The following EYS variants were observed in gnomAD, a reference collection of about 807,000 sequenced individuals.
The protein encoded by EYS is protein eyes shut homolog.
In EYS, 250 loss-of-function variants were observed where a neutral mutation model predicts 282.1. That is an observed-to-expected ratio of 0.89 (90% confidence interval 0.80 to 0.98). EYS has a LOEUF of 0.98. EYS is among the 50% of genes least tolerant of loss of function. The pLI, the probability that EYS is intolerant of heterozygous loss-of-function variation, is 0.00. For synonymous variants in EYS, 1,355 were observed against 1,282.9 expected, an observed-to-expected ratio of 1.06 and a Z score of -1.20; for missense variants, 4,016 against 3,709.0, an observed-to-expected ratio of 1.08 and a Z score of -2.15.
intron 14 of EYS, among the ~76,000 whole-genome samples, chr6:64,976,075 C>A (rs1454198495): frequency 1.3e-5 from 2 of 151,738 alleles, no homozygotes; most frequent in Non-Finnish European, 2.9e-5. Flanking sequence ...GATACATAAG[C>A]ATTTTTAAAT....
intron 22 of EYS, among the ~76,000 whole-genome samples, chr6:64,759,939 C>T (rs74392180): frequency 0.02 from 2,968 of 152,128 alleles, 98 homozygotes; most frequent in African/African-American, 0.067. Flanking sequence ...ATATTTAAAC[C>T]TTTGTACAAT....
chr6:65,150,773 A>C (rs1397273033), intron 12 of EYS, among the ~76,000 whole-genome samples: 5 of 151,902 alleles, frequency 3.3e-5, no homozygotes. Flanking sequence ...TTCTTTACAT[A>C]AATTTTAAAA....
At chr6:65,171,246 C>T (rs1765098660) in intron 12 of EYS, among the ~76,000 whole-genome samples, 1 of 151,506 alleles carries the variant, frequency 6.6e-6, no homozygotes, top group Admixed American at 6.6e-5. Context: ...TCTTACATGC[C>T]TTCTAATTAC....
In EYS at chr6:63,721,000, T is replaced by A; in HGVS notation, c.9031A>T (p.Ile3011Phe). 7.7e-6 allele frequency: 12 copies of A among 1,551,332 alleles called. No homozygotes were observed. The highest frequency in any genetic ancestry group is 1.0e-5 in the Non-Finnish European group (12 of 1,146,738). ...AQNEENDFLA[I>F]GLHNQTLKIA... Reference sequence around the variant, plus strand: ...TTCAAGGTCTGATTATGGAGACCAATTGCCAGAAAATCATTTTCTTCATTT... The same window carrying A: ...TTCAAGGTCTGATTATGGAGACCAAATGCCAGAAAATCATTTTCTTCATTT... The change falls in exon 43 of 43, where the codon ATT becomes TTT. Residue 3011 changes from isoleucine (I) to phenylalanine (F), a missense_variant. Coordinates refer to ENST00000503581, the MANE Select transcript of EYS (RefSeq NM_001142800.2).
intron 7 of EYS, among the ~76,000 whole-genome samples, chr6:65,384,852 G>A (rs1377105273): frequency 6.6e-6 from 1 of 151,860 alleles, no homozygotes; most frequent in Non-Finnish European, 1.5e-5. Context: ...AGTAGAGCCA[G>A]TATATACTGA....
chr6:65,593,972 C>T (rs1431938766), intron 2 of EYS, among the ~76,000 whole-genome samples: 3 of 151,894 alleles, frequency 2.0e-5, no homozygotes, highest in Non-Finnish European at 4.4e-5. Context: ...GGTCAAATAA[C>T]TTGACTAAAA....
chr6:65,475,273 G>A (rs562447395), intron 5 of EYS, among the ~76,000 whole-genome samples: 117 of 152,074 alleles, frequency 7.7e-4, no homozygotes, highest in African/African-American at 2.6e-3. Flanking sequence ...AGTAGTTCTT[G>A]GTTTTGGGTC....
intron 28 of EYS, among the ~76,000 whole-genome samples, chr6:64,433,121 A>C (rs1036499501): frequency 2.6e-5 from 4 of 151,824 alleles, no homozygotes; most frequent in Non-Finnish European, 2.9e-5. Context: ...TTCACAGAGC[A>C]TATTTGTTTC....
intron 9 of EYS, among the ~76,000 whole-genome samples, chr6:65,345,323 G>A (rs1469109973): frequency 2.6e-5 from 4 of 151,670 alleles, no homozygotes; most frequent in Non-Finnish European, 4.4e-5. Flanking sequence ...TTTAATGATA[G>A]GTCAATAAAA....
At chr6:64,060,153 C>T (rs1461360742) in intron 33 of EYS, among the ~76,000 whole-genome samples, 1 of 152,092 alleles carries the variant, frequency 6.6e-6, no homozygotes, top group Non-Finnish European at 1.5e-5. Flanking sequence ...TCTAAGACTA[C>T]CAGCATGCAA....
intron 36 of EYS, among the ~76,000 whole-genome samples, chr6:63,852,721 C>CA (rs1182148925): frequency 6.6e-6 from 1 of 152,058 alleles, no homozygotes; most frequent in Non-Finnish European, 1.5e-5. Context: ...AACATCAATC[C>CA]AAAAATCCTT....
At chr6:64,004,694 A>C (rs1768260986) in intron 33 of EYS, among the ~76,000 whole-genome samples, 1 of 152,004 alleles carries the variant, frequency 6.6e-6, no homozygotes, top group African/African-American at 2.4e-5. Context: ...TTTACCTCCC[A>C]CTTGTAAACG....
intron 12 of EYS, among the ~76,000 whole-genome samples, chr6:65,188,889 T>G (rs1488486798): frequency 6.6e-6 from 1 of 151,614 alleles, no homozygotes; most frequent in African/African-American, 2.4e-5. Flanking sequence ...AATGCAGCCT[T>G]GCCAGTATCA....
intron 33 of EYS, among the ~76,000 whole-genome samples, chr6:64,018,140 G>GTATATGTA (rs1245028847): frequency 6.6e-6 from 1 of 151,912 alleles, no homozygotes; most frequent in Non-Finnish European, 1.5e-5. Flanking sequence ...ATATATATAC[G>GTATATGTA]TATATGTATA....
chr6:65,164,145 T>A (rs1264284969), intron 12 of EYS, among the ~76,000 whole-genome samples: 3 of 151,422 alleles, frequency 2.0e-5, no homozygotes, highest in Non-Finnish European at 4.4e-5. Flanking sequence ...GGGGAAAAAG[T>A]ATACATTTAT....
At chr6:65,485,302 GA>G (rs1765748328) in intron 5 of EYS, among the ~76,000 whole-genome samples, 1 of 152,184 alleles carries the variant, frequency 6.6e-6, no homozygotes, top group Non-Finnish European at 1.5e-5. Context: ...TATTTTAGAA[GA>G]CTGTCTTCTG....
intron 31 of EYS, among the ~76,000 whole-genome samples, chr6:64,148,898 T>C (rs996898058): frequency 3.9e-5 from 6 of 152,154 alleles, no homozygotes; most frequent in African/African-American, 1.4e-4. Flanking sequence ...CAACTTTATT[T>C]CATTTGATGA....
At chr6:64,698,546 C>T (rs1770666691) in intron 22 of EYS, among the ~76,000 whole-genome samples, 1 of 152,002 alleles carries the variant, frequency 6.6e-6, no homozygotes, top group South Asian at 2.1e-4. Flanking sequence ...AGTAAATAGA[C>T]AACCTATGGA....
intron 35 of EYS, among the ~76,000 whole-genome samples, chr6:63,905,329 C>CTTTTTTTTTTTTTTTTT (rs377115720): frequency 8.5e-6 from 1 of 118,304 alleles, no homozygotes; most frequent in African/African-American, 3.4e-5. Flanking sequence ...CTTTTTTTTT[C>CTTTTTTTTTTTTTTTTT]TTTTTTTTTT....
Sources: allele counts gnomAD v4.1 joint callset (sites outside exome capture counted in the v4.1 genomes callset), GRCh38; gene constraint gnomAD v4.1.1; transcripts MANE v1.5; gene names NCBI Gene and HGNC (gene_info 2026-07-23, HGNC 2026-07-21).